WNT2B: variants seen among roughly 807,000 people sequenced by gnomAD.
WNT2B encodes Wnt family member 2B, also known as protein Wnt-2b.
WNT2B carries 19 observed loss-of-function variants against 40.5 expected under a neutral mutation model. The ratio of observed to expected loss-of-function variants is 0.47; its 90% CI spans 0.33 to 0.69. The LOEUF is 0.69. Among genes scored for constraint, WNT2B ranks in the 30% least tolerant of loss-of-function variants. The pLI is 0.02. For synonymous variants in WNT2B, 220 were observed against 211.9 expected (o/e 1.04, Z -0.33); for missense variants, 467 against 556.4 (o/e 0.84, Z 1.62).
chr1:112,470,876 C>T (rs1650860429), intron 1 of WNT2B, among the ~76,000 whole-genome samples: 1 of 130,834 alleles, frequency 7.6e-6, no homozygotes, highest in African/African-American at 3.2e-5. Flanking sequence ...CTGCTGGGGG[C>T]AAGGTCGCTC....
chr1:112,517,117 C>G lies in WNT2B; in HGVS notation c.682-4C>G. 6.2e-7 allele frequency: 1 copy of G among 1,609,036 alleles called. No homozygotes were observed. Among genetic ancestry groups the G allele is most frequent in the Non-Finnish European group, 8.5e-7 (1 of 1,176,064 alleles). ...CTCCCTTAACTGCCTTCCCCCTCCC[C>G]CAGGCTGTGCGGCGGTTTCTGAAGC... On this transcript the variant is annotated splice_region_variant and splice_polypyrimidine_tract_variant and intron_variant, in intron 3 of 4. Transcript: ENST00000369684.
intron 1 of WNT2B, among the ~76,000 whole-genome samples, chr1:112,499,827 G>T (rs531283239): frequency 6.6e-6 from 1 of 152,304 alleles, no homozygotes; most frequent in Admixed American, 6.5e-5. Context: ...ATCATATATT[G>T]TTCACTATTC....
exon 1 of WNT2B, chr1:112,467,293 A>G (rs1454036982): frequency 7.6e-6 from 4 of 529,322 alleles, no homozygotes; most frequent in African/African-American, 1.9e-5. Flanking sequence ...CCAGGCAAAG[A>G]ATTTGTGCCC....
At chr1:112,488,436 GCCT>G (rs1349619194) in intron 1 of WNT2B, among the ~76,000 whole-genome samples, 5 of 71,210 alleles carry the variant, frequency 7.0e-5, no homozygotes, top group Non-Finnish European at 1.9e-4. Context: ...GATTAGATTG[GCCT>G]TCTTCCTTAC....
rs1652598189 is a variant in WNT2B at position 112,517,232 on chromosome 1, C to T, written c.793C>T (p.Leu265=). 4.3e-6 allele frequency: 7 copies of T among 1,614,218 alleles called. No homozygotes were observed. The highest frequency in any genetic ancestry group is 5.9e-6 in the Non-Finnish European group (7 of 1,180,046). The change falls in exon 4 of 5, where the codon CTG becomes TTG. Residue 265 remains leucine (L), a synonymous_variant. Coordinates refer to ENST00000369684, the MANE Select transcript of WNT2B (RefSeq NM_024494.3). ...LSDFRRTGDY[L]RRRYDGAVQV... is the part of the protein sequence containing the mutation. ...AGATTTCCGCCGCACAGGTGATTAC[C>T]TGCGGCGACGCTATGATGGGGCTGT...
chr1:112,516,990 A>C, intron 3 of WNT2B, 131 bp from the exon 4 acceptor site: 3 of 1,233,072 alleles, frequency 2.4e-6, no homozygotes, highest in Non-Finnish European at 3.4e-6. Context: ...GTGGGAGAGA[A>C]CCGAGAGCTC....
chr1:112,510,492 A>G (rs1333166622), intron 1 of WNT2B, among the ~76,000 whole-genome samples: 1 of 151,302 alleles, frequency 6.6e-6, no homozygotes, highest in African/African-American at 2.4e-5. Context: ...CTTCCCGTGC[A>G]AGCCCCCCTC....
chr1:112,490,688 A>G (rs1244818632), intron 1 of WNT2B, among the ~76,000 whole-genome samples: 3 of 151,986 alleles, frequency 2.0e-5, no homozygotes, highest in African/African-American at 4.8e-5. Flanking sequence ...ACAGGCTTTC[A>G]CCGTGTTAGC....
At chr1:112,485,490 A>AAGACTACG (rs1651387922) in intron 1 of WNT2B, among the ~76,000 whole-genome samples, 3 of 152,008 alleles carry the variant, frequency 2.0e-5, no homozygotes, top group Admixed American at 6.6e-5. Flanking sequence ...TATGGTCATG[A>AAGACTACG]AGACTACGTT....
At position 112,526,261 on chromosome 1, in the gene WNT2B, T is replaced by C. The variant is rs1653366009; in HGVS notation, c.*5752T>C. 2 of 952,182 alleles carry C rather than the reference T, an allele frequency of 2.1e-6. No individual in the cohort carries two copies. 59.0% of individuals were successfully genotyped at this position (952,182 alleles called of 1,614,324 possible). A position where few individuals can be genotyped will look rare whatever the true frequency, so the allele number is the denominator to read the frequency against. ...GGCTCTTTTGCCATTTCTGCCACTATTACCACCAGTACCATGTGACCACTA... is the reference window on the plus strand; with the variant it reads ...GGCTCTTTTGCCATTTCTGCCACTACTACCACCAGTACCATGTGACCACTA... On this transcript the variant is annotated 3_prime_UTR_variant, in exon 5 of 5. Coordinates refer to ENST00000369684, the MANE Select transcript of WNT2B (RefSeq NM_024494.3).
upstream of WNT2B, among the ~76,000 whole-genome samples, chr1:112,506,163 C>T (rs568003189): frequency 6.6e-6 from 1 of 152,274 alleles, no homozygotes; most frequent in African/African-American, 2.4e-5. Context: ...TGCATGACCA[C>T]ACCTGGCTAA....
rs749854913 is a variant in WNT2B at position 112,509,469 on chromosome 1, G to A, written c.182+25G>A. 3.9e-6 allele frequency: 6 copies of A among 1,545,764 alleles called. No homozygotes were observed. Among genetic ancestry groups the A allele is most frequent in the Admixed American group, 2.1e-5 (1 of 47,092 alleles). ...GGTAAGTGTGGCTCTCAGGCTGGGCGGGTGAGGCGCTTGGTAGGAGAGGCC... is the reference window on the plus strand; with the variant it reads ...GGTAAGTGTGGCTCTCAGGCTGGGCAGGTGAGGCGCTTGGTAGGAGAGGCC... On this transcript the variant is annotated intron_variant, in intron 1 of 4. Transcript: ENST00000369684. This position sits in a 1 kb window ranked among gnomAD's most constrained non-coding sequence, Gnocchi z 4.2.
chr1:112,526,188 C>A lies in WNT2B; in HGVS notation c.*5679C>A. 1 of 1,594,944 alleles carries A rather than the reference C, an allele frequency of 6.3e-7. No individual in the cohort carries two copies. The highest frequency in any genetic ancestry group is 1.1e-5 in the South Asian group (1 of 88,904). On this transcript the variant is annotated 3_prime_UTR_variant, in exon 5 of 5. Coordinates refer to ENST00000369684, the MANE Select transcript of WNT2B (RefSeq NM_024494.3). ...ACAGCCAAGAGAGTATATCTGAGCA[C>A]AGTTTACAAAGGAACAGCCTAGGCC...
upstream of WNT2B, among the ~76,000 whole-genome samples, chr1:112,507,830 C>A (rs1652164156): frequency 6.6e-6 from 1 of 152,202 alleles, no homozygotes; most frequent in Non-Finnish European, 1.5e-5. Flanking sequence ...GAGCCAGATC[C>A]CAGGTGAACT....
At chr1:112,475,060 C>A (rs1651015337) in intron 1 of WNT2B, among the ~76,000 whole-genome samples, 1 of 152,278 alleles carries the variant, frequency 6.6e-6, no homozygotes, top group South Asian at 2.1e-4. Context: ...GACAGTTAAA[C>A]CTCTTTTCAT....
At chr1:112,504,777 C>T (rs1652062718), upstream of WNT2B, among the ~76,000 whole-genome samples, 1 of 152,126 alleles carries the variant, frequency 6.6e-6, no homozygotes, top group African/African-American at 2.4e-5. Flanking sequence ...ATCCAAACCT[C>T]CCCCCAGCCC....
At chr1:112,517,747 C>G (rs1652632460) in intron 4 of WNT2B, 1 of 191,538 alleles carries the variant, frequency 5.2e-6, no homozygotes. Context: ...GCCTTTGGCT[C>G]TTCGCAATCT....
chr1:112,489,780 C>CT (rs1358792374), intron 1 of WNT2B, among the ~76,000 whole-genome samples: 8 of 110,096 alleles, frequency 7.3e-5, no homozygotes, highest in Non-Finnish European at 1.6e-4. Flanking sequence ...CAAATTCTGC[C>CT]TATTTTTTTT....
intron 1 of WNT2B, among the ~76,000 whole-genome samples, chr1:112,478,990 G>A (rs1317703796): frequency 1.3e-5 from 2 of 152,126 alleles, no homozygotes; most frequent in Non-Finnish European, 2.9e-5. Context: ...GGAGGCCAAG[G>A]TGGGCGGATC....
Sources: allele counts gnomAD v4.1 joint callset (sites outside exome capture counted in the v4.1 genomes callset), GRCh38; gene constraint gnomAD v4.1.1; non-coding constraint Gnocchi (gnomAD v3.1); transcripts MANE v1.5; gene names NCBI Gene and HGNC (gene_info 2026-07-23, HGNC 2026-07-21).